The following CADPS2 variants were observed in gnomAD, a reference collection of about 807,000 sequenced individuals.
The protein encoded by CADPS2 is calcium dependent secretion activator 2.
In CADPS2, 93 loss-of-function variants were observed where a neutral mutation model predicts 172.5. The observed-to-expected ratio is 0.54, with a 90% CI of 0.46 to 0.64. The LOEUF (loss-of-function observed/expected upper bound fraction) is 0.64. CADPS2 is among the 30% of genes least tolerant of loss of function. The pLI, the probability that CADPS2 is intolerant of heterozygous loss-of-function variation, is 0.00. For missense variants in CADPS2, 1,420 were observed against 1,565.9 expected (o/e 0.91, Z 1.57); for synonymous variants, 546 against 555.2 (o/e 0.98, Z 0.23).
chr7:122,848,218 T>C (rs1156796892), intron 1 of CADPS2, among the ~76,000 whole-genome samples: 1 of 152,150 alleles, frequency 6.6e-6, no homozygotes, highest in Non-Finnish European at 1.5e-5. Context: ...GCAACCAGCA[T>C]AACTAAGAGA....
intron 8 of CADPS2, among the ~76,000 whole-genome samples, chr7:122,550,445 C>T (rs6966216): frequency 0.61 from 92,196 of 151,930 alleles, 28,447 homozygotes; most frequent in African/African-American, 0.73. Context: ...TATATAGTTA[C>T]GAAACTCTAT....
chr7:122,640,890 C>T (rs367677226), intron 3 of CADPS2, among the ~76,000 whole-genome samples: 52 of 149,604 alleles, frequency 3.5e-4, no homozygotes, highest in Non-Finnish European at 6.3e-4. Context: ...GCCGAGATCA[C>T]GCCACTGCAC....
At chr7:122,602,183 T>C (rs569038852) in intron 6 of CADPS2, among the ~76,000 whole-genome samples, 19 of 143,640 alleles carry the variant, frequency 1.3e-4, no homozygotes, top group Non-Finnish European at 2.2e-4. Context: ...ATCAGAATCA[T>C]GGCCAAATTA....
chr7:122,648,761 G>A (rs761368993), intron 3 of CADPS2, among the ~76,000 whole-genome samples: 3 of 152,082 alleles, frequency 2.0e-5, no homozygotes, highest in Non-Finnish European at 4.4e-5. Context: ...AATTCCAAAG[G>A]ACAATACAGA....
At chr7:122,864,038 TAATA>T (rs749381665) in intron 1 of CADPS2, among the ~76,000 whole-genome samples, 2 of 151,414 alleles carry the variant, frequency 1.3e-5, no homozygotes, top group Non-Finnish European at 3.0e-5. Flanking sequence ...TCAAAAAAAA[TAATA>T]AATAAAGTGT....
intron 6 of CADPS2, among the ~76,000 whole-genome samples, chr7:122,586,387 A>G (rs1429384348): frequency 6.6e-6 from 1 of 151,964 alleles, no homozygotes; most frequent in Non-Finnish European, 1.5e-5. Context: ...AGAGCACTAG[A>G]TATAACTTGT....
intron 2 of CADPS2, chr7:122,702,220 AATG>A: frequency 6.2e-7 from 1 of 1,613,838 alleles, no homozygotes; most frequent in East Asian, 2.2e-5. Flanking sequence ...TCCCCACTTC[AATG>A]ATGACTGTCA....
At chr7:122,345,322 G>A (rs1266650137) in intron 28 of CADPS2, among the ~76,000 whole-genome samples, 2 of 151,992 alleles carry the variant, frequency 1.3e-5, no homozygotes, top group Non-Finnish European at 2.9e-5. Context: ...ATTTTTAGTA[G>A]AGACGGGGTT....
At chr7:122,602,966 G>T (rs1460548731) in intron 6 of CADPS2, among the ~76,000 whole-genome samples, 1 of 152,026 alleles carries the variant, frequency 6.6e-6, no homozygotes, top group Non-Finnish European at 1.5e-5. Context: ...CAACATGGAA[G>T]ACATGGCTGC....
intron 2 of CADPS2, among the ~76,000 whole-genome samples, chr7:122,674,947 T>C (rs921026296): frequency 6.6e-6 from 1 of 152,256 alleles, no homozygotes; most frequent in East Asian, 1.9e-4. Flanking sequence ...GTGTTATCAA[T>C]TCATGAAGCT....
chr7:122,450,230 C>T (rs182660515), intron 15 of CADPS2, among the ~76,000 whole-genome samples: 33 of 151,980 alleles, frequency 2.2e-4, no homozygotes, highest in African/African-American at 5.1e-4. Flanking sequence ...ATATTCACTA[C>T]GTTTATTTTT....
chr7:122,621,315 T>C (rs2075586683), intron 5 of CADPS2, among the ~76,000 whole-genome samples, 166 bp downstream of exon 5: 1 of 152,204 alleles, frequency 6.6e-6, no homozygotes. Flanking sequence ...AAAATTTGCA[T>C]TCATTTGCAT....
chr7:122,728,106 C>T (rs2137385357), intron 2 of CADPS2, among the ~76,000 whole-genome samples: 2 of 152,014 alleles, frequency 1.3e-5, no homozygotes, highest in South Asian at 4.1e-4. Flanking sequence ...ACAGGTCAAA[C>T]ATCCCTTGAA....
At chr7:122,849,753 T>C (rs1813011349) in intron 1 of CADPS2, 1 of 430,496 alleles carries the variant, frequency 2.3e-6, no homozygotes. Context: ...GCTCCAACAA[T>C]GGCCAGTAAA....
intron 8 of CADPS2, among the ~76,000 whole-genome samples, chr7:122,513,699 C>A (rs1313520201): frequency 1.3e-5 from 2 of 152,148 alleles, no homozygotes; most frequent in African/African-American, 2.4e-5. Flanking sequence ...CTGAGTAGTG[C>A]GCCCTGAGGA....
At chr7:122,702,624 TCAGGTGAGCTGTC>T in intron 2 of CADPS2, 1 of 1,613,630 alleles carries the variant, frequency 6.2e-7, no homozygotes, top group Non-Finnish European at 8.5e-7. Flanking sequence ...AATGTTATAT[TCAGGTGAGCTGTC>T]CAAATGGCTT....
chr7:122,680,656 G>A (rs971085780), intron 2 of CADPS2, among the ~76,000 whole-genome samples: 3 of 152,242 alleles, frequency 2.0e-5, no homozygotes, highest in African/African-American at 7.2e-5. Context: ...GGAGGTTGCA[G>A]TGGGTCGGGA....
chr7:122,493,951 T>G (rs2058525940), intron 9 of CADPS2, among the ~76,000 whole-genome samples: 1 of 152,198 alleles, frequency 6.6e-6, no homozygotes, highest in South Asian at 2.1e-4. Flanking sequence ...TTATTCACTT[T>G]TTTAACGTGT....
At chr7:122,772,071 T>C (rs568228201) in intron 1 of CADPS2, among the ~76,000 whole-genome samples, 3 of 152,168 alleles carry the variant, frequency 2.0e-5, no homozygotes, top group Non-Finnish European at 4.4e-5. Flanking sequence ...TTTGAGCTAA[T>C]ACACTTGACA....
Sources: allele counts gnomAD v4.1 joint callset (sites outside exome capture counted in the v4.1 genomes callset), GRCh38; gene constraint gnomAD v4.1.1; transcripts MANE v1.5; gene names NCBI Gene and HGNC (gene_info 2026-07-23, HGNC 2026-07-21).